The following EPHA6 variants were observed in gnomAD, a reference collection of about 807,000 sequenced individuals.
EPHA6 encodes the protein ephrin type-A receptor 6.
A neutral mutation model predicts 112.0 loss-of-function variants in EPHA6; 50 were observed. The ratio of observed to expected loss-of-function variants is 0.45; its 90% CI spans 0.36 to 0.56. The LOEUF (loss-of-function observed/expected upper bound fraction) is 0.56. Ranked by LOEUF, EPHA6 falls within the 20% of genes least tolerant of loss-of-function variation. The pLI is 0.00. For synonymous variants in EPHA6, 529 were observed against 490.7 expected (o/e 1.08, Z -1.03); for missense variants, 1,280 against 1,417.4 (o/e 0.90, Z 1.56).
intron 3 of EPHA6, among the ~76,000 whole-genome samples, chr3:97,197,624 T>C (rs1407861597): frequency 1.3e-5 from 2 of 151,964 alleles, no homozygotes; most frequent in African/African-American, 2.4e-5. Flanking sequence ...TTCTGAGTTG[T>C]GCTGCCTGGG....
intron 1 of EPHA6, among the ~76,000 whole-genome samples, chr3:96,856,245 TAA>T (rs531650866): frequency 6.8e-6 from 1 of 146,464 alleles, no homozygotes. Flanking sequence ...TCTCATAAAT[TAA>T]AAAAAAAAAT....
At chr3:96,921,722 C>T (rs560856874) in intron 2 of EPHA6, among the ~76,000 whole-genome samples, 11 of 152,104 alleles carry the variant, frequency 7.2e-5, no homozygotes, top group Admixed American at 6.6e-5. Context: ...CACGTGCCAC[C>T]ATGCCTGGCT....
In EPHA6 at chr3:97,198,284, G is replaced by A. The variant is rs72922400; in HGVS notation, c.1115-27980G>A. On this transcript the variant is annotated intron_variant, in intron 3 of 17. Transcript: ENST00000389672. ...CCAAAAGGCACTTTTAAGGCATTGT[G>A]GTATTTGAAAACATCACTGAAGTGG... is the stretch of plus-strand genomic sequence containing the variant. Among the ~76,000 whole-genome samples, 1,239 of 152,144 alleles carry A rather than the reference G, an allele frequency of 8.1e-3. 17 individuals carry two copies. The highest frequency in any genetic ancestry group is 0.022 in the African/African-American group (921 of 41,504).
At chr3:97,082,105 T>C (rs2046740977) in intron 3 of EPHA6, among the ~76,000 whole-genome samples, 2 of 151,826 alleles carry the variant, frequency 1.3e-5, no homozygotes, top group South Asian at 4.1e-4. Flanking sequence ...TTGAAATATG[T>C]ATATATTGTA....
At chr3:97,709,693 A>G (rs1176622254) in intron 14 of EPHA6, among the ~76,000 whole-genome samples, 4 of 152,176 alleles carry the variant, frequency 2.6e-5, no homozygotes, top group African/African-American at 9.7e-5. Flanking sequence ...TCAAATTGTA[A>G]TCCCCACATG....
In EPHA6 at chr3:97,569,577, A is replaced by T. The variant is rs183806434; in HGVS notation, c.2387-23035A>T. On this transcript the variant is annotated intron_variant, in intron 11 of 17. Coordinates refer to ENST00000389672, the MANE Select transcript of EPHA6 (RefSeq NM_001080448.3). ...CTTCATTTGGGTTGTTAGGAAAACT[A>T]ACTGAACATATATTTATATTATGAA... Among the ~76,000 whole-genome samples the T allele has an allele frequency of 2.6e-3, 391 of 152,330 alleles. 4 individuals are homozygous for T. Among genetic ancestry groups the T allele is most frequent in the African/African-American group, 9.1e-3 (377 of 41,576 alleles).
chr3:97,026,280 A>C (rs2044635531), intron 3 of EPHA6, among the ~76,000 whole-genome samples: 1 of 151,992 alleles, frequency 6.6e-6, no homozygotes, highest in Non-Finnish European at 1.5e-5. Flanking sequence ...GATGAATTTT[A>C]GAATCCTTTT....
At chr3:97,324,638 A>G (rs1299125957) in intron 5 of EPHA6, among the ~76,000 whole-genome samples, 1 of 151,626 alleles carries the variant, frequency 6.6e-6, no homozygotes, top group Non-Finnish European at 1.5e-5. Flanking sequence ...TCCTGGGTTC[A>G]AGCAGTTCTC....
chr3:96,962,641 T>G (rs2041986336), intron 2 of EPHA6, among the ~76,000 whole-genome samples: 3 of 138,590 alleles, frequency 2.2e-5, no homozygotes, highest in Non-Finnish European at 4.6e-5. Context: ...TTAAGCTTAA[T>G]TTTTTTTTTT....
At chr3:97,640,364 G>C (rs1237599046) in intron 14 of EPHA6, among the ~76,000 whole-genome samples, 1 of 152,146 alleles carries the variant, frequency 6.6e-6, no homozygotes, top group Non-Finnish European at 1.5e-5. Context: ...TAAATGTAAA[G>C]GTACCTGAGT....
At chr3:97,024,122 A>T (rs2044555847) in intron 3 of EPHA6, among the ~76,000 whole-genome samples, 2 of 152,144 alleles carry the variant, frequency 1.3e-5, no homozygotes, top group Admixed American at 1.3e-4. Context: ...CTATGTTCCC[A>T]TCTGTTATTC....
chr3:97,187,778 T>G (rs984484221), intron 3 of EPHA6, among the ~76,000 whole-genome samples: 2 of 151,688 alleles, frequency 1.3e-5, no homozygotes, highest in Non-Finnish European at 2.9e-5. Flanking sequence ...CCATATACAA[T>G]TTCTGTCCTC....
At chr3:97,263,992 T>C (rs907410418) in intron 5 of EPHA6, among the ~76,000 whole-genome samples, 1 of 152,194 alleles carries the variant, frequency 6.6e-6, no homozygotes, top group African/African-American at 2.4e-5. Context: ...TCTTTATGCG[T>C]CCCCCTAGAA....
chr3:97,203,050 C>T (rs2077620511), intron 3 of EPHA6, among the ~76,000 whole-genome samples: 1 of 152,016 alleles, frequency 6.6e-6, no homozygotes, highest in Non-Finnish European at 1.5e-5. Context: ...TACAGAACTG[C>T]CCAACTGCCC....
At chr3:97,614,178 G>T (rs2093743628) in intron 13 of EPHA6, among the ~76,000 whole-genome samples, 1 of 151,854 alleles carries the variant, frequency 6.6e-6, no homozygotes, top group South Asian at 2.1e-4. Context: ...ACTTTGAAAT[G>T]CCACATGTCA....
At position 97,000,348 on chromosome 3, in the gene EPHA6, C is replaced by T. The variant is rs375310346; in HGVS notation, c.1114+12355C>T. Among the ~76,000 whole-genome samples, 61 of 150,172 alleles carry T rather than the reference C, an allele frequency of 4.1e-4. No homozygotes were observed. In the South Asian group the frequency reaches 9.4e-3, roughly 23 times the overall value. On this transcript the variant is annotated intron_variant, in intron 3 of 17. Transcript: ENST00000389672. ...ATAGCCATATATATGTATACACACA[C>T]GTGTGCTTTTTTTATATATTTTATA... is the stretch of plus-strand genomic sequence containing the variant.
chr3:97,660,521 C>T (rs563006825), intron 14 of EPHA6, among the ~76,000 whole-genome samples: 5 of 152,126 alleles, frequency 3.3e-5, no homozygotes, highest in East Asian at 1.9e-4. Flanking sequence ...ATAAGTGAGG[C>T]GGGGCACAAT....
intron 3 of EPHA6, among the ~76,000 whole-genome samples, chr3:97,171,701 GA>G (rs2076706455): frequency 6.6e-6 from 1 of 151,922 alleles, no homozygotes; most frequent in African/African-American, 2.4e-5. Flanking sequence ...TGGGGAGGAA[GA>G]AAATGATTAG....
intron 14 of EPHA6, among the ~76,000 whole-genome samples, chr3:97,716,183 A>G (rs1228373454): frequency 2.0e-5 from 3 of 152,196 alleles, no homozygotes; most frequent in African/African-American, 7.2e-5. Context: ...TTAGTGCATT[A>G]CCTCTGTATA....
Sources: allele counts gnomAD v4.1 joint callset (sites outside exome capture counted in the v4.1 genomes callset), GRCh38; gene constraint gnomAD v4.1.1; transcripts MANE v1.5; gene names NCBI Gene and HGNC (gene_info 2026-07-23, HGNC 2026-07-21).